ACSF3: variants seen among roughly 807,000 people sequenced by gnomAD.
ACSF3 encodes acyl-CoA synthetase family member 3, also known as malonate--CoA ligase ACSF3, mitochondrial.
Under a neutral mutation model 53.2 loss-of-function variants are expected in ACSF3, and 78 were observed. That is an observed-to-expected ratio of 1.47 (90% CI 1.22 to 1.77). The LOEUF is 1.77. Among genes scored for constraint, ACSF3 ranks in the 40% most tolerant of loss-of-function variants. The pLI is 0.00. For missense variants in ACSF3, 937 were observed against 771.1 expected (o/e 1.22, Z -2.55); for synonymous variants, 414 against 333.1 (o/e 1.24, Z -2.65).
intron 10 of ACSF3, among the ~76,000 whole-genome samples, chr16:89,146,795 G>A (rs190585054): frequency 1.3e-5 from 2 of 152,290 alleles, no homozygotes; most frequent in East Asian, 3.9e-4. Flanking sequence ...AGTGGTTTCT[G>A]ATGCATGGGA....
chr16:89,150,614 C>T (rs1007167540), intron 10 of ACSF3: 2 of 245,584 alleles, frequency 8.1e-6, no homozygotes, highest in African/African-American at 4.5e-5. Flanking sequence ...TGTGACAAGA[C>T]CCTAAGACGG....
At chr16:89,119,884 C>T (rs113484883) in intron 6 of ACSF3, among the ~76,000 whole-genome samples, 2 of 152,230 alleles carry the variant, frequency 1.3e-5, no homozygotes, top group Non-Finnish European at 2.9e-5. Flanking sequence ...GATGCTGACC[C>T]TTGAAGTGCC....
chr16:89,095,021 T>G (rs1374046268), intron 1 of ACSF3, among the ~76,000 whole-genome samples: 1 of 152,254 alleles, frequency 6.6e-6, no homozygotes, highest in Non-Finnish European at 1.5e-5. Context: ...GCATAGTTGT[T>G]GCTTTCCCAT....
At chr16:89,094,696 C>T (rs1171487586) in intron 1 of ACSF3, among the ~76,000 whole-genome samples, 3 of 152,158 alleles carry the variant, frequency 2.0e-5, no homozygotes, top group Non-Finnish European at 4.4e-5. Flanking sequence ...AGTTCAAAGC[C>T]AGCCTGGGCA....
At chr16:89,127,600 C>T (rs1273020922) in intron 7 of ACSF3, among the ~76,000 whole-genome samples, 3 of 152,138 alleles carry the variant, frequency 2.0e-5, no homozygotes, top group African/African-American at 7.2e-5. Context: ...CTCCTGGCCT[C>T]AAGTGATTCT....
At chr16:89,149,053 G>A (rs1207581145) in intron 10 of ACSF3, 1 of 152,110 alleles carries the variant, frequency 6.6e-6, no homozygotes, top group African/African-American at 2.4e-5. Context: ...TTAAATCTAA[G>A]TTCCGGTTTC....
intron 8 of ACSF3, chr16:89,136,786 G>T (rs941063228): frequency 7.8e-7 from 1 of 1,287,244 alleles, no homozygotes; most frequent in Non-Finnish European, 1.0e-6. Flanking sequence ...GTGAGGCCAG[G>T]GGTCTCCGCT....
chr16:89,108,816 T>C (rs1976330961), intron 4 of ACSF3, among the ~76,000 whole-genome samples: 1 of 152,268 alleles, frequency 6.6e-6, no homozygotes, highest in Admixed American at 6.5e-5. Flanking sequence ...TTTGGAGCTA[T>C]TATGAATAAT....
chr16:89,124,486 A>G (rs1403081095), intron 7 of ACSF3, among the ~76,000 whole-genome samples: 1 of 74,550 alleles, frequency 1.3e-5, no homozygotes, highest in African/African-American at 4.1e-5. Flanking sequence ...CCGTGCACAC[A>G]CTGAGTGTGT....
chr16:89,096,029 C>G (rs774198512), intron 1 of ACSF3, among the ~76,000 whole-genome samples: 32 of 152,112 alleles, frequency 2.1e-4, no homozygotes, highest in Admixed American at 3.9e-4. Context: ...ATCTCAGAAC[C>G]TGATGGCTAG....
intron 6 of ACSF3, among the ~76,000 whole-genome samples, chr16:89,117,554 C>T (rs1905363181): frequency 6.6e-6 from 1 of 151,910 alleles, no homozygotes; most frequent in Non-Finnish European, 1.5e-5. Flanking sequence ...GGACTGCTGT[C>T]TACACCGAGG....
chr16:89,102,726 C>T lies in ACSF3; in HGVS notation c.789C>T (p.Thr263=). 1 of 1,612,670 alleles carries T rather than the reference C, an allele frequency of 6.2e-7. No homozygotes were observed. The highest frequency in any genetic ancestry group is 8.5e-7 in the Non-Finnish European group (1 of 1,179,880). Residue 263 remains threonine, a synonymous_variant, in exon 4 of 11, where the codon ACC becomes ACT. Coordinates refer to ENST00000614302, the MANE Select transcript of ACSF3 (RefSeq NM_001243279.3). ...ALLCPLWVGA[T]CVMMPEFSPQ... ...TCTGTCCTCTCTGGGTGGGAGCCAC[C>T]TGTGTGATGATGCCTGAGTTCAGCC...
intron 1 of ACSF3, among the ~76,000 whole-genome samples, chr16:89,094,420 G>T (rs570984302): frequency 9.9e-4 from 151 of 152,338 alleles, no homozygotes; most frequent in African/African-American, 3.5e-3. Flanking sequence ...TGGGGCACAG[G>T]TTCACAGCCG....
intron 7 of ACSF3, among the ~76,000 whole-genome samples, chr16:89,125,343 C>CAAATAAA (rs55716532): frequency 1.4e-5 from 2 of 140,828 alleles, no homozygotes; most frequent in African/African-American, 2.7e-5. Flanking sequence ...AACTCTGTCT[C>CAAATAAA]AAAAAAAAAA....
intron 10 of ACSF3, chr16:89,148,208 C>G (rs933184614): frequency 1.3e-5 from 2 of 149,608 alleles, no homozygotes; most frequent in Admixed American, 1.3e-4. Context: ...AGCAATTCTC[C>G]TACCTCAGCC....
chr16:89,151,291 CT>C (rs1567754920), intron 10 of ACSF3: 1 of 429,978 alleles, frequency 2.3e-6, no homozygotes, highest in East Asian at 7.1e-5. Context: ...GCCCAAAAGG[CT>C]TCACTGATAA....
At chr16:89,121,150 G>A (rs750229762) in intron 7 of ACSF3, among the ~76,000 whole-genome samples, 15 of 152,256 alleles carry the variant, frequency 9.9e-5, no homozygotes, top group Non-Finnish European at 7.3e-5. Flanking sequence ...AGCCCAGGGC[G>A]GAACGCCAAA....
intron 9 of ACSF3, 127 bp from the exon 10 acceptor site, chr16:89,145,811 G>A (rs1912824868): frequency 4.7e-6 from 4 of 854,054 alleles, no homozygotes; most frequent in South Asian, 1.3e-5. Flanking sequence ...GATTGGAGTG[G>A]GGCCTGTCCA....
At chr16:89,097,148 T>TGTGTGCTCAGCGTGTGGTTAGC (rs1367698621) in intron 1 of ACSF3, among the ~76,000 whole-genome samples, 2 of 152,246 alleles carry the variant, frequency 1.3e-5, no homozygotes, top group Admixed American at 6.5e-5. Flanking sequence ...GTGTGTGCTG[T>TGTGTGCTCAGCGTGTGGTTAGC]GTGTGCTCAG....
Sources: allele counts gnomAD v4.1 joint callset (sites outside exome capture counted in the v4.1 genomes callset), GRCh38; gene constraint gnomAD v4.1.1; transcripts MANE v1.5; gene names NCBI Gene and HGNC (gene_info 2026-07-23, HGNC 2026-07-21).